BICD2: variants seen among roughly 807,000 people sequenced by gnomAD.
The protein encoded by BICD2 is BICD cargo adaptor 2.
Under a neutral mutation model 72.9 loss-of-function variants are expected in BICD2, and 25 were observed. That is an observed-to-expected ratio of 0.34 (90% confidence interval 0.25 to 0.48). The LOEUF (loss-of-function observed/expected upper bound fraction) is 0.48, where lower values mean the gene tolerates loss of function less well. BICD2 is among the 20% of genes least tolerant of loss of function. The probability of loss-of-function intolerance (pLI) is 0.99; values close to 1 mark genes in which losing one functional copy is unlikely to be tolerated. For missense variants in BICD2, 894 were observed against 1,175.2 expected (o/e 0.76, Z 3.50); for synonymous variants, 501 against 516.1 (o/e 0.97, Z 0.40).
intron 2 of BICD2, among the ~76,000 whole-genome samples, chr9:92,725,712 G>A (rs1003565043): frequency 6.6e-6 from 1 of 152,250 alleles, no homozygotes; most frequent in Non-Finnish European, 1.5e-5. Flanking sequence ...AGCAAGCAGG[G>A]TGTGACAATT....
chr9:92,713,507 C>T lies in BICD2; in HGVS notation c.*1647G>A. On this transcript the variant is annotated 3_prime_UTR_variant, in exon 7 of 7. Coordinates refer to ENST00000356884, the MANE Select transcript of BICD2 (RefSeq NM_001003800.2). ...AGCGTTAGAAAGCGGTCATCTGTCG[C>T]TTCCTGTTTATCTGACAATTGAAGC... 1 of 1,572,624 alleles carries T rather than the reference C, an allele frequency of 6.4e-7. No individual in the cohort carries two copies. Among genetic ancestry groups the T allele is most frequent in the South Asian group, 1.2e-5 (1 of 85,934 alleles).
intron 2 of BICD2, among the ~76,000 whole-genome samples, chr9:92,728,667 T>A (rs985839361): frequency 1.3e-5 from 2 of 150,984 alleles, no homozygotes; most frequent in African/African-American, 2.4e-5. Flanking sequence ...CAGGGGGGAG[T>A]CCAATGACGA....
chr9:92,731,300 A>G lies in BICD2; in HGVS notation c.241-2064T>C, dbSNP rs115590954. Among the ~76,000 whole-genome samples, 1,369 of 152,280 alleles carry G rather than the reference A, an allele frequency of 9.0e-3. 23 individuals are homozygous for G. The highest frequency in any genetic ancestry group is 0.032 in the African/African-American group (1,321 of 41,560). On this transcript the variant is annotated intron_variant, in intron 1 of 6. Coordinates refer to ENST00000356884, the MANE Select transcript of BICD2 (RefSeq NM_001003800.2). ...TATGACAGCTAAATGCCATGACACG[A>G]CATTCAAGTCCTAGCCTCCTGGCCT... is the stretch of plus-strand genomic sequence containing the variant.
rs193058145 is a variant in BICD2, at chr9:92,754,829, G to A, written c.240+9676C>T. ...CTTTAATCTCTTAATCCTGTCAGCTGAGAAGGATGTATGTCACCTCAGGAC... is the reference window on the plus strand; with the variant it reads ...CTTTAATCTCTTAATCCTGTCAGCTAAGAAGGATGTATGTCACCTCAGGAC... On this transcript the variant is annotated intron_variant, in intron 1 of 6. Coordinates refer to ENST00000356884, the MANE Select transcript of BICD2 (RefSeq NM_001003800.2). Among the ~76,000 whole-genome samples the A allele has an allele frequency of 5.3e-5, 8 of 152,258 alleles. No individual in the cohort carries two copies. The East Asian group carries it at 1.2e-3, about 22-fold the overall frequency.
Position 92,737,224 on chromosome 9 carries a change from G to A in BICD2, c.241-7988C>T, listed in dbSNP as rs866549990. On this transcript the variant is annotated intron_variant, in intron 1 of 6. Coordinates refer to ENST00000356884, the MANE Select transcript of BICD2 (RefSeq NM_001003800.2). ...TGGGTTAATAATGTCACCAATCTGAGCTTAGTGCTATGGGGATTTAGTCAG... is the reference window on the plus strand; with the variant it reads ...TGGGTTAATAATGTCACCAATCTGAACTTAGTGCTATGGGGATTTAGTCAG... Among the ~76,000 whole-genome samples, 36 of 152,280 alleles carry A rather than the reference G, an allele frequency of 2.4e-4. 1 individual carries two copies. The highest frequency in any genetic ancestry group is 6.8e-3 in the Middle Eastern group (2 of 294).
Position 92,719,539 on chromosome 9 carries a change from G to A in BICD2, c.1106C>T (p.Thr369Ile). Residue 369 changes from threonine (T) to isoleucine (I), a missense_variant, in exon 5 of 7, where the codon ACA becomes ATA. By Grantham distance (89) the Thr-to-Ile change is moderately conservative (BLOSUM62 -1). This residue lies in a region of BICD2 where 371 missense variants were observed against 439.1 expected (regional missense o/e 0.84). Transcript: ENST00000356884. ...CCGCGTGTGCTCCAGCTGCTTCTGT[G>A]TGTCCTGCAGCGTTGCCAGCAGGCC... is the stretch of plus-strand genomic sequence containing the variant. Reference protein sequence around the residue: ...KAGLLATLQDTQKQLEHTRGS... With the variant: ...KAGLLATLQDIQKQLEHTRGS... 1 of 1,611,740 alleles carries A rather than the reference G, an allele frequency of 6.2e-7. No homozygotes were observed. The highest frequency in any genetic ancestry group is 8.5e-7 in the Non-Finnish European group (1 of 1,179,554).
In BICD2 at chr9:92,729,231, A is replaced by G; in HGVS notation, c.246T>C (p.Phe82=). ...TCTTGTGGTTTGTGTGTGCTTGTCC[A>G]AAGGCCTGCATCAGAAGACAAGACA... is the stretch of plus-strand genomic sequence containing the variant. The part of the protein sequence containing the change: ...RSEMEQLKEA[F]GQAHTNHKKV... Residue 82 remains phenylalanine (F), a synonymous_variant, in exon 2 of 7, where the codon TTT becomes TTC. Transcript: ENST00000356884. 2 of 1,614,016 alleles carry G rather than the reference A, an allele frequency of 1.2e-6. No homozygotes were observed. Among genetic ancestry groups the G allele is most frequent in the Non-Finnish European group, 1.7e-6 (2 of 1,180,018 alleles).
At chr9:92,740,081 A>G (rs1487060259) in intron 1 of BICD2, among the ~76,000 whole-genome samples, 1 of 152,216 alleles carries the variant, frequency 6.6e-6, no homozygotes, top group Admixed American at 6.5e-5. Flanking sequence ...CGTGACCCAA[A>G]CAGCCTAGTA....
chr9:92,734,647 T>C (rs1853742623), intron 1 of BICD2, among the ~76,000 whole-genome samples: 1 of 148,264 alleles, frequency 6.7e-6, no homozygotes, highest in Non-Finnish European at 1.5e-5. Flanking sequence ...GAAGCACTGG[T>C]CCAGGAGTGC....
At position 92,714,893 on chromosome 9, in the gene BICD2, G is replaced by A. The variant is rs937059667; in HGVS notation, c.*261C>T. 2 of 1,284,224 alleles carry A rather than the reference G, an allele frequency of 1.6e-6. No individual in the cohort carries two copies. Among genetic ancestry groups the A allele is most frequent in the Non-Finnish European group, 2.0e-6 (2 of 1,015,666 alleles). 79.6% of individuals were successfully genotyped at this position (1,284,224 alleles called of 1,614,324 possible). ...TTCATCACACATCTGCTGCAAGAAT[G>A]TGCAGCTCTATCCCCACCTCTGACC... is the stretch of plus-strand genomic sequence containing the variant. On this transcript the variant is annotated 3_prime_UTR_variant, in exon 7 of 7. Transcript: ENST00000356884.
chr9:92,760,396 G>A (rs573374502), intron 1 of BICD2, among the ~76,000 whole-genome samples: 4 of 152,302 alleles, frequency 2.6e-5, no homozygotes, highest in South Asian at 2.1e-4. Context: ...CACACCATCC[G>A]CATGCCTAGG....
intron 3 of BICD2, among the ~76,000 whole-genome samples, chr9:92,721,708 G>A (rs938634885): frequency 2.6e-5 from 4 of 152,166 alleles, no homozygotes; most frequent in African/African-American, 7.2e-5. Context: ...GGGAGAGAGA[G>A]TCAGACTCCA....
intron 1 of BICD2, among the ~76,000 whole-genome samples, chr9:92,731,658 G>C (rs1373766715): frequency 4.6e-5 from 7 of 152,174 alleles, no homozygotes; most frequent in Non-Finnish European, 7.4e-5. Context: ...AGGCGTGGCA[G>C]ACCCTGTCAA....
intron 1 of BICD2, among the ~76,000 whole-genome samples, chr9:92,730,190 C>G (rs1853653063): frequency 6.6e-6 from 1 of 152,212 alleles, no homozygotes; most frequent in African/African-American, 2.4e-5. Context: ...CAGCCCGTCT[C>G]ACTGGCCACT....
Position 92,720,386 on chromosome 9 carries a change from C to T in BICD2, c.976G>A (p.Ala326Thr), listed in dbSNP as rs571839806. 2.5e-6 allele frequency: 4 copies of T among 1,614,044 alleles called. No individual in the cohort carries two copies. The highest frequency in any genetic ancestry group is 2.5e-6 in the Non-Finnish European group (3 of 1,180,020). The change falls in exon 4 of 7, where the codon GCA (alanine) becomes ACA (threonine). Residue 326 changes from alanine (A) to threonine (T), a missense_variant. By Grantham distance (58) the Ala-to-Thr change is moderately conservative (BLOSUM62 0). This residue lies in a region of BICD2 where 371 missense variants were observed against 439.1 expected (regional missense o/e 0.84). Transcript: ENST00000356884. This position sits in a 1 kb window ranked among gnomAD's most constrained non-coding sequence, Gnocchi z 5.4. The stretch of plus-strand genomic sequence containing the variant: ...GAGACGAGGCTGGGGGAGGGCGGTG[C>T]GAGGCCCTCCTTCTTGGGCGTGGAG... ...KTSTPKKEGL[A>T]PPSPSLVSDL...
At chr9:92,747,803 C>T (rs1222097696) in intron 1 of BICD2, among the ~76,000 whole-genome samples, 2 of 152,162 alleles carry the variant, frequency 1.3e-5, no homozygotes, top group Non-Finnish European at 2.9e-5. Context: ...AGTGCAGGAA[C>T]GGAGTGAGGA....
intron 1 of BICD2, among the ~76,000 whole-genome samples, chr9:92,755,133 C>G (rs896471593): frequency 6.6e-6 from 1 of 152,150 alleles, no homozygotes; most frequent in Admixed American, 6.5e-5. Flanking sequence ...AACTGGCCCC[C>G]CTGGGGCATA....
Position 92,764,705 on chromosome 9 carries a change from C to G in BICD2, c.40G>C (p.Val14Leu). ...PSEEEEYARL[V>L]MEAQPEWLRA... The stretch of plus-strand genomic sequence containing the variant: ...AGCCACTCCGGCTGCGCCTCCATCA[C>G]CAGCCGCGCGTACTCCTCCTCCTCC... The change falls in exon 1 of 7, where the codon GTG becomes CTG. Residue 14 changes from valine (V) to leucine (L), a missense_variant. Transcript: ENST00000356884. This position sits in a 1 kb window ranked among gnomAD's most constrained non-coding sequence, Gnocchi z 5.5. 1 of 1,587,786 alleles carries G rather than the reference C, an allele frequency of 6.3e-7. No homozygotes were observed. The highest frequency in any genetic ancestry group is 8.5e-7 in the Non-Finnish European group (1 of 1,173,236).
At chr9:92,760,287 C>T (rs904384687) in intron 1 of BICD2, among the ~76,000 whole-genome samples, 1 of 152,208 alleles carries the variant, frequency 6.6e-6, no homozygotes, top group Non-Finnish European at 1.5e-5. Context: ...CGCTTGGCAT[C>T]CCCAAAGACG....
Sources: allele counts gnomAD v4.1 joint callset (sites outside exome capture counted in the v4.1 genomes callset), GRCh38; gene constraint gnomAD v4.1.1; regional missense constraint gnomAD v4.1.1; non-coding constraint Gnocchi (gnomAD v3.1); transcripts MANE v1.5; gene names NCBI Gene and HGNC (gene_info 2026-07-23, HGNC 2026-07-21).